The following NT5DC3 variants were observed in gnomAD, a reference collection of about 807,000 sequenced individuals.
NT5DC3 encodes 5'-nucleotidase domain-containing protein 3.
NT5DC3 carries 42 observed loss-of-function variants against 67.8 expected under a neutral mutation model. That is an observed-to-expected ratio of 0.62 (90% CI 0.48 to 0.80). The LOEUF is 0.80. Ranked by LOEUF, NT5DC3 falls within the 30% of genes least tolerant of loss-of-function variation. NT5DC3 has a pLI of 0.00. For missense variants in NT5DC3, 570 were observed against 696.4 expected, an observed-to-expected ratio of 0.82 and a Z score of 2.04; for synonymous variants, 237 against 255.6, an observed-to-expected ratio of 0.93 and a Z score of 0.69.
Position 103,841,098 on chromosome 12 carries a change from G to A in NT5DC3, c.59C>T (p.Ala20Val), listed in dbSNP as rs887834061. ...ARGAGARAAT[A>V]AALRGGCGTA... ...CCCGCAGCCACCCCGCAAAGCCGCCGCTGTCGCTGCCCTCGCCCCGGCCCC... is the reference window on the plus strand; with the variant it reads ...CCCGCAGCCACCCCGCAAAGCCGCCACTGTCGCTGCCCTCGCCCCGGCCCC... The change falls in exon 1 of 14, where the codon GCG (alanine) becomes GTG (valine). Residue 20 changes from alanine (A) to valine (V), a missense_variant. Coordinates refer to ENST00000392876, the MANE Select transcript of NT5DC3 (RefSeq NM_001031701.3). 4.3e-6 allele frequency: 5 copies of A among 1,167,502 alleles called. No homozygotes were observed. The highest frequency in any genetic ancestry group is 6.3e-4 in the Middle Eastern group (2 of 3,162). The allele number at this position is 1,167,502 out of a possible 1,614,324, so 72.3% of individuals were successfully genotyped here.
At chr12:103,838,758 C>T (rs1888254399) in intron 1 of NT5DC3, among the ~76,000 whole-genome samples, 1 of 152,042 alleles carries the variant, frequency 6.6e-6, no homozygotes, top group Non-Finnish European at 1.5e-5. Context: ...TATGTACATA[C>T]CATGAAATAA....
At chr12:103,767,926 C>CA (rs111230279), downstream of NT5DC3, among the ~76,000 whole-genome samples, 3,455 of 145,368 alleles carry the variant, frequency 0.024, 136 homozygotes, top group African/African-American at 0.08. Context: ...ACTAAAAATA[C>CA]AAAAAAAAAA....
chr12:103,798,772 C>T, intron 4 of NT5DC3, 95 bp from the exon 5 acceptor site: 1 of 853,842 alleles, frequency 1.2e-6, no homozygotes, highest in Non-Finnish European at 1.9e-6. Context: ...AATTGAGGTG[C>T]AAGGCACTGT....
At chr12:103,804,469 G>A (rs1435449829) in intron 4 of NT5DC3, among the ~76,000 whole-genome samples, 1 of 152,174 alleles carries the variant, frequency 6.6e-6, no homozygotes, top group Admixed American at 6.5e-5. Context: ...AGGAAGAGAA[G>A]GGAATTTGAA....
downstream of NT5DC3, chr12:103,765,999 C>G (rs1270711854): frequency 3.6e-6 from 2 of 562,692 alleles, no homozygotes; most frequent in Admixed American, 4.6e-5. Context: ...CCTCCTACCT[C>G]CCTGTGAGGT....
At position 103,814,991 on chromosome 12, in the gene NT5DC3, G is replaced by A. The variant is rs761637494; in HGVS notation, c.339C>T (p.His113=). The change falls in exon 2 of 14, where the codon CAC becomes CAT. Residue 113 remains histidine (H), a synonymous_variant. Transcript: ENST00000392876. ...YDYTLVFYSK[H]LHTLIFNAAR... is the part of the protein sequence containing the mutation. ...CAGCATTAAATATCAGCGTGTGGAG[G>A]TGCTTTGAATAAAACACCAAGGTGT... 5 of 1,613,670 alleles carry A rather than the reference G, an allele frequency of 3.1e-6. No homozygotes were observed. Among genetic ancestry groups the A allele is most frequent in the Non-Finnish European group, 4.2e-6 (5 of 1,179,768 alleles).
At chr12:103,749,604 T>C in the NT5DC3 span, among the ~76,000 whole-genome samples, 1 of 150,454 alleles carries the variant, frequency 6.6e-6, no homozygotes, top group African/African-American at 2.4e-5. Flanking sequence ...CCGAGGCAGA[T>C]GGATCACGAG....
intron 1 of NT5DC3, among the ~76,000 whole-genome samples, chr12:103,836,729 C>T (rs1372875585): frequency 6.6e-6 from 1 of 152,172 alleles, no homozygotes; most frequent in African/African-American, 2.4e-5. Context: ...ATCGGCATGA[C>T]ATCCAGGTCA....
downstream of NT5DC3, among the ~76,000 whole-genome samples, chr12:103,769,949 C>A (rs1182291634): frequency 6.6e-6 from 1 of 152,184 alleles, no homozygotes; most frequent in Non-Finnish European, 1.5e-5. Context: ...GAAAGTAATG[C>A]GAAGGATTGG....
At chr12:103,762,328 A>T in the NT5DC3 span, 1 of 1,614,198 alleles carries the variant, frequency 6.2e-7, no homozygotes, top group Non-Finnish European at 8.5e-7. Flanking sequence ...CATCCTGGTG[A>T]CTGGGGCTGT....
chr12:103,808,866 G>A (rs1047257629), intron 2 of NT5DC3, among the ~76,000 whole-genome samples: 28 of 152,166 alleles, frequency 1.8e-4, no homozygotes, highest in East Asian at 7.7e-4. Context: ...CACTGAGAGC[G>A]GTGCCTTCAC....
the NT5DC3 span, among the ~76,000 whole-genome samples, chr12:103,763,116 G>A: frequency 6.6e-6 from 1 of 152,188 alleles, no homozygotes; most frequent in East Asian, 1.9e-4. Flanking sequence ...TAGCAAAAGT[G>A]TATAGGCTGT....
At chr12:103,814,469 A>G (rs1403411769) in intron 2 of NT5DC3, among the ~76,000 whole-genome samples, 2 of 152,174 alleles carry the variant, frequency 1.3e-5, no homozygotes, top group African/African-American at 4.8e-5. Context: ...AGGGTTGCAT[A>G]TTTTCTTTTT....
intron 1 of NT5DC3, among the ~76,000 whole-genome samples, chr12:103,828,359 GCCAGAGT>G (rs1348149231): frequency 1.3e-5 from 2 of 152,168 alleles, no homozygotes; most frequent in Non-Finnish European, 2.9e-5. Flanking sequence ...CCCTCCACTG[GCCAGAGT>G]CTTAGGTTCT....
At position 103,796,946 on chromosome 12, in the gene NT5DC3, A is replaced by AG; in HGVS notation, c.700_701insC (p.Phe234SerfsTer9). On this transcript the variant is annotated frameshift_variant, in exon 6 of 14. Coordinates refer to ENST00000392876, the MANE Select transcript of NT5DC3 (RefSeq NM_001031701.3). LOFTEE classifies it high-confidence loss of function. ...CTCATAGTCGATGTTGTTCTTGAGG[A>AG]AGTATTCATTCACGCAGGACAGGAG... 1.2e-6 allele frequency: 2 copies of AG among 1,614,096 alleles called. No individual in the cohort carries two copies. Among genetic ancestry groups the AG allele is most frequent in the Non-Finnish European group, 1.7e-6 (2 of 1,179,970 alleles).
At chr12:103,798,098 T>A (rs1009428203) in intron 5 of NT5DC3, among the ~76,000 whole-genome samples, 1 of 152,212 alleles carries the variant, frequency 6.6e-6, no homozygotes, top group Non-Finnish European at 1.5e-5. Context: ...TGACCGAGCA[T>A]CGTCCATTTC....
At chr12:103,837,908 G>A (rs1453586304) in intron 1 of NT5DC3, among the ~76,000 whole-genome samples, 2 of 152,080 alleles carry the variant, frequency 1.3e-5, no homozygotes, top group African/African-American at 4.8e-5. Context: ...TGTCTTTTCA[G>A]CAACACCCCA....
chr12:103,805,929 C>T (rs74901375), intron 4 of NT5DC3, among the ~76,000 whole-genome samples: 14,297 of 151,624 alleles, frequency 0.094, 954 homozygotes, highest in East Asian at 0.3. Context: ...ATACCCTCAC[C>T]CCCATAGCCC....
At position 103,773,666 on chromosome 12, in the gene NT5DC3, A is replaced by G. The variant is rs902178559; in HGVS notation, c.*4163T>C. On this transcript the variant is annotated 3_prime_UTR_variant, in exon 14 of 14. Coordinates refer to ENST00000392876, the MANE Select transcript of NT5DC3 (RefSeq NM_001031701.3). ...TGTGTCTGGCCAAATTTCGTCTTAGAGCATTCTAGACAAGGAGCCCCAAGT... is the reference window on the plus strand; with the variant it reads ...TGTGTCTGGCCAAATTTCGTCTTAGGGCATTCTAGACAAGGAGCCCCAAGT... 2 of 152,244 alleles carry G rather than the reference A, an allele frequency of 1.3e-5. No homozygotes were observed. The highest frequency in any genetic ancestry group is 3.8e-4 in the East Asian group (2 of 5,204). 9.4% of individuals were successfully genotyped at this position (152,244 alleles called of 1,614,324 possible).
Sources: gnomAD v4.1 joint callset for allele counts (sites outside exome capture counted in the v4.1 genomes callset) on GRCh38, gnomAD v4.1.1 for gene constraint, MANE v1.5 for transcripts, NCBI Gene and HGNC (gene_info 2026-07-23, HGNC 2026-07-21) for gene names.